The following OSTF1 variants were observed in gnomAD, a reference collection of about 807,000 sequenced individuals.
OSTF1 encodes the protein osteoclast stimulating factor 1.
Under a neutral mutation model 37.2 loss-of-function variants are expected in OSTF1, and 27 were observed. The observed-to-expected ratio is 0.73, with a 90% CI of 0.54 to 1.00. OSTF1 has a LOEUF of 1.00. Ranked by LOEUF, OSTF1 falls within the 50% of genes least tolerant of loss-of-function variation. OSTF1 has a pLI of 0.00. For missense variants in OSTF1, 232 were observed against 253.8 expected (o/e 0.91, Z 0.58); for synonymous variants, 82 against 89.2 (o/e 0.92, Z 0.46).
At position 75,088,708 on chromosome 9, in the gene OSTF1, C is replaced by A; in HGVS notation, c.16C>A (p.Pro6Thr). MSKPP[P>T]KPVKPGQVKV... ...AGGAAGCGAGATGTCGAAGCCGCCA[C>A]CCAAACCAGTCAAACCAGGTGAGGG... Residue 6 changes from proline (P) to threonine (T), a missense_variant, in exon 1 of 10, where the codon CCC becomes ACC. By Grantham distance (38) the Pro-to-Thr change is conservative. Transcript: ENST00000346234. 1 of 1,609,552 alleles carries A rather than the reference C, an allele frequency of 6.2e-7. No individual in the cohort carries two copies. The highest frequency in any genetic ancestry group is 8.5e-7 in the Non-Finnish European group (1 of 1,177,752).
chr9:75,105,910 G>A lies in OSTF1; in HGVS notation c.35-11594G>A, dbSNP rs564677812. Among the ~76,000 whole-genome samples, 17 of 152,292 alleles carry A rather than the reference G, an allele frequency of 1.1e-4. 1 individual carries two copies. The South Asian group carries it at 3.3e-3, about 30-fold the overall frequency. On this transcript the variant is annotated intron_variant, in intron 1 of 9. Coordinates refer to ENST00000346234, the MANE Select transcript of OSTF1 (RefSeq NM_012383.5). ...CCATCAAGATGTAAAAGTAAACCAA[G>A]TTTGCTGAAAGGCACTGAAAAGTAT... is the stretch of plus-strand genomic sequence containing the variant.
At chr9:75,109,047 G>A (rs1825339469) in intron 1 of OSTF1, among the ~76,000 whole-genome samples, 3 of 145,374 alleles carry the variant, frequency 2.1e-5, no homozygotes, top group Admixed American at 6.9e-5. Flanking sequence ...TTTGGGTGGA[G>A]TCTCACTCTC....
intron 8 of OSTF1, among the ~76,000 whole-genome samples, chr9:75,138,916 T>C (rs1032819767): frequency 3.3e-5 from 5 of 152,104 alleles, no homozygotes; most frequent in Non-Finnish European, 7.4e-5. Flanking sequence ...CTACTGTGAA[T>C]AGAATGATCT....
chr9:75,108,725 T>C (rs1439203200), intron 1 of OSTF1, among the ~76,000 whole-genome samples: 1 of 152,122 alleles, frequency 6.6e-6, no homozygotes, highest in Non-Finnish European at 1.5e-5. Context: ...GATTAAGTCT[T>C]GACCTCAGTT....
intron 2 of OSTF1, among the ~76,000 whole-genome samples, chr9:75,118,712 C>T (rs565041577): frequency 4.6e-5 from 7 of 152,098 alleles, no homozygotes; most frequent in African/African-American, 7.2e-5. Context: ...TGGCAGCAGA[C>T]AAGAGAGAAT....
chr9:75,137,681 G>A (rs1325330980), intron 8 of OSTF1, 65 bp downstream of exon 8: 5 of 1,000,378 alleles, frequency 5.0e-6, no homozygotes, highest in East Asian at 2.4e-5. Context: ...ATCAACTTAC[G>A]CCATTTGAAA....
In OSTF1 at chr9:75,131,623, G is replaced by GT. The variant is rs138502620; in HGVS notation, c.197-145dup. The GT allele has an allele frequency of 8.7e-3, 5,401 of 620,222 alleles. 209 individuals are homozygous for GT. The African/African-American group carries it at 0.089, about 10-fold the overall frequency. 38.4% of individuals were successfully genotyped at this position (620,222 alleles called of 1,614,324 possible). A position where few individuals can be genotyped will look rare whatever the true frequency, so the allele number is the denominator to read the frequency against. On this transcript the variant is annotated intron_variant, in intron 4 of 9. Coordinates refer to ENST00000346234, the MANE Select transcript of OSTF1 (RefSeq NM_012383.5). ...GCAAGAACTATCCATTTGATTTTCT[G>GT]TTACTTTTTATCCACATTAAGTAAA... is the stretch of plus-strand genomic sequence containing the variant.
rs1825118013 is a variant in OSTF1, at chr9:75,097,952, G to T, written c.34+9226G>T. On this transcript the variant is annotated intron_variant, in intron 1 of 9. Transcript: ENST00000346234. ...GGCTTACTGCAACCTCTGCTTCCTGGGCTCAAGTGATCCTCCCACCTTAGC... is the reference window on the plus strand; with the variant it reads ...GGCTTACTGCAACCTCTGCTTCCTGTGCTCAAGTGATCCTCCCACCTTAGC... Among the ~76,000 whole-genome samples the T allele has an allele frequency of 2.6e-5, 4 of 151,658 alleles. No individual in the cohort carries two copies. In the South Asian group the frequency reaches 8.3e-4, roughly 32 times the overall value.
In OSTF1 at chr9:75,147,033, A is replaced by ATTT. The variant is rs34855201; in HGVS notation, c.*312_*314dup. ...TTTTTTTCTTTAAAAACAAATTAGG[A>ATTT]TTTTTTTTTTTTTTTTTTTTTTAGT... On this transcript the variant is annotated 3_prime_UTR_variant, in exon 10 of 10. Transcript: ENST00000346234. The ATTT allele has an allele frequency of 0.04, 4,305 of 107,872 alleles. 143 individuals carry two copies. Among genetic ancestry groups the ATTT allele is most frequent in the African/African-American group, 0.11 (2,812 of 26,562 alleles). The allele number at this position is 107,872 out of a possible 1,614,324, so 6.7% of individuals were successfully genotyped here. A position where few individuals can be genotyped will look rare whatever the true frequency, so the allele number is the denominator to read the frequency against.
intron 1 of OSTF1, among the ~76,000 whole-genome samples, chr9:75,112,272 A>T (rs978561096): frequency 6.6e-6 from 1 of 152,178 alleles, no homozygotes; most frequent in Non-Finnish European, 1.5e-5. Flanking sequence ...CAATTAATTC[A>T]GTATTATTAT....
At position 75,133,159 on chromosome 9, in the gene OSTF1, G is replaced by T. The variant is rs1005556836; in HGVS notation, c.251-135G>T. 4.6e-5 allele frequency: 27 copies of T among 582,010 alleles called. No individual in the cohort carries two copies. In the African/African-American group the frequency reaches 4.8e-4, roughly 10 times the overall value. The allele number at this position is 582,010 out of a possible 1,614,324, so 36.1% of individuals were successfully genotyped here. A position where few individuals can be genotyped will look rare whatever the true frequency, so the allele number is the denominator to read the frequency against. The stretch of plus-strand genomic sequence containing the variant: ...AATGTACCATAATAAATGCATTAAT[G>T]GGGAGGTCTTAATTTAATACTTGCT... On this transcript the variant is annotated intron_variant, in intron 5 of 9. Coordinates refer to ENST00000346234, the MANE Select transcript of OSTF1 (RefSeq NM_012383.5).
At chr9:75,133,189 A>C in intron 5 of OSTF1, 105 bp from the exon 6 acceptor site, 1 of 682,560 alleles carries the variant, frequency 1.5e-6, no homozygotes, top group East Asian at 2.5e-5. Context: ...CTTGCTGATT[A>C]ATCCATTGCA....
intron 1 of OSTF1, among the ~76,000 whole-genome samples, chr9:75,105,520 A>G (rs1039006107): frequency 6.6e-6 from 1 of 152,152 alleles, no homozygotes; most frequent in African/African-American, 2.4e-5. Flanking sequence ...TTTTTCTCTC[A>G]TCTGTTTAAA....
chr9:75,108,344 C>T (rs768208670), intron 1 of OSTF1, among the ~76,000 whole-genome samples: 1 of 145,736 alleles, frequency 6.9e-6, no homozygotes, highest in Non-Finnish European at 1.5e-5. Context: ...TTCTGATTTG[C>T]CTTTTGTGGA....
intron 1 of OSTF1, among the ~76,000 whole-genome samples, chr9:75,099,005 T>C (rs1825139423): frequency 2.0e-5 from 3 of 152,114 alleles, no homozygotes; most frequent in Admixed American, 2.0e-4. Flanking sequence ...GGCACGATCT[T>C]GGCTCACTGC....
Position 75,088,548 on chromosome 9 carries a change from C to T in OSTF1, c.-145C>T. The stretch of plus-strand genomic sequence containing the variant: ...AGCCGCTCTGCCTGCGTCCGCTCTT[C>T]CCGCAGCCAAGGGTGGGCGCCGGTC... On this transcript the variant is annotated 5_prime_UTR_variant, in exon 1 of 10. Coordinates refer to ENST00000346234, the MANE Select transcript of OSTF1 (RefSeq NM_012383.5). 1.2e-6 allele frequency: 1 copy of T among 857,192 alleles called. No individual in the cohort carries two copies. The highest frequency in any genetic ancestry group is 1.9e-6 in the Non-Finnish European group (1 of 537,274). 53.1% of individuals were successfully genotyped at this position (857,192 alleles called of 1,614,324 possible).
At chr9:75,091,044 G>A (rs1824964338) in intron 1 of OSTF1, among the ~76,000 whole-genome samples, 1 of 148,384 alleles carries the variant, frequency 6.7e-6, no homozygotes, top group African/African-American at 2.5e-5. Context: ...GTAGCAGGCA[G>A]TATTAAAACC....
chr9:75,123,054 C>G (rs1825605137), intron 2 of OSTF1, among the ~76,000 whole-genome samples: 1 of 152,106 alleles, frequency 6.6e-6, no homozygotes, highest in South Asian at 2.1e-4. Context: ...CTGTAACATC[C>G]CAGTGGACAA....
chr9:75,126,466 G>A (rs986382313), intron 2 of OSTF1, among the ~76,000 whole-genome samples: 9 of 152,114 alleles, frequency 5.9e-5, no homozygotes, highest in African/African-American at 1.4e-4. Flanking sequence ...CCTGAAATTT[G>A]CTCTCGGTAG....
Sources: gnomAD v4.1 joint callset for allele counts (sites outside exome capture counted in the v4.1 genomes callset) on GRCh38, gnomAD v4.1.1 for gene constraint, MANE v1.5 for transcripts, NCBI Gene and HGNC (gene_info 2026-07-23, HGNC 2026-07-21) for gene names.